Variants in CCDC7 observed in about 807,000 individuals in gnomAD.
CCDC7 encodes coiled-coil domain containing 7, also known as coiled-coil domain-containing protein 7.
Under a neutral mutation model 196.9 loss-of-function variants are expected in CCDC7, and 183 were observed. The observed-to-expected ratio is 0.93, with a 90% CI of 0.82 to 1.05. The LOEUF is 1.05. Among genes scored for constraint, CCDC7 ranks in the 50% least tolerant of loss-of-function variants. The pLI is 0.00. For synonymous variants in CCDC7, 525 were observed against 484.6 expected (o/e 1.08, Z -1.10); for missense variants, 1,540 against 1,482.2 (o/e 1.04, Z -0.64).
At chr10:32,504,599 T>A (rs1364628054) in intron 9 of CCDC7, among the ~76,000 whole-genome samples, 3 of 152,240 alleles carry the variant, frequency 2.0e-5, no homozygotes, top group African/African-American at 7.2e-5. Flanking sequence ...TTTTAGTATG[T>A]TGTATTTCCA....
At chr10:32,661,294 A>G (rs1204716526) in intron 20 of CCDC7, among the ~76,000 whole-genome samples, 1 of 150,564 alleles carries the variant, frequency 6.6e-6, no homozygotes, top group African/African-American at 2.4e-5. Flanking sequence ...ACCAGTTAGA[A>G]TGGCAATCAT....
At position 32,557,604 on chromosome 10, in the gene CCDC7, C is replaced by G. The variant is rs192610595; in HGVS notation, c.1135-7954C>G. ...TTTTCAAGTGGTTTGACTTTTTCCA[C>G]TGTCATCAGATCCCATCTGTTCTTA... On this transcript the variant is annotated intron_variant, in intron 13 of 41. Transcript: ENST00000639629. 4.9e-3 allele frequency among the ~76,000 whole-genome samples: 751 copies of G among 152,274 alleles called. 1 individual carries two copies. The highest frequency in any genetic ancestry group is 7.9e-3 in the Non-Finnish European group (537 of 68,014).
intron 9 of CCDC7, among the ~76,000 whole-genome samples, chr10:32,507,340 G>A (rs1308813935): frequency 6.6e-6 from 1 of 151,540 alleles, no homozygotes; most frequent in African/African-American, 2.4e-5. Context: ...CATGTAGTTG[G>A]GTTCTTAAAA....
At chr10:32,681,878 G>T (rs2141044696) in intron 21 of CCDC7, among the ~76,000 whole-genome samples, 1 of 151,278 alleles carries the variant, frequency 6.6e-6, no homozygotes, top group African/African-American at 2.4e-5. Context: ...CAAATCTCTT[G>T]GACACCTTAA....
chr10:32,759,575 C>A, intron 28 of CCDC7, among the ~76,000 whole-genome samples: 1 of 152,138 alleles, frequency 6.6e-6, no homozygotes, highest in Non-Finnish European at 1.5e-5. Context: ...CTTCCTTACA[C>A]CTTATACAAA....
At chr10:32,795,372 T>C (rs919078242) in intron 29 of CCDC7, among the ~76,000 whole-genome samples, 2 of 152,182 alleles carry the variant, frequency 1.3e-5, no homozygotes, top group African/African-American at 4.8e-5. Context: ...TAAAAATTTT[T>C]CAGTTAAGCA....
intron 41 of CCDC7, among the ~76,000 whole-genome samples, chr10:32,863,492 A>G (rs2094083573): frequency 6.6e-6 from 1 of 151,938 alleles, no homozygotes; most frequent in Non-Finnish European, 1.5e-5. Context: ...TGCTAAGACT[A>G]CAGGTGCACA....
chr10:32,854,308 GTTTTAGAATAC>G, intron 40 of CCDC7, 81 bp from the exon 42 acceptor site: 1 of 757,548 alleles, frequency 1.3e-6, no homozygotes, highest in Non-Finnish European at 2.1e-6. Flanking sequence ...AGGAAACTGT[GTTTTAGAATAC>G]TAAGATTTAT....
intron 22 of CCDC7, among the ~76,000 whole-genome samples, chr10:32,688,288 A>G (rs1329799123): frequency 6.6e-6 from 1 of 152,130 alleles, no homozygotes; most frequent in African/African-American, 2.4e-5. Flanking sequence ...TTCAAATTTA[A>G]TATAAATCTC....
intron 11 of CCDC7, among the ~76,000 whole-genome samples, chr10:32,522,847 G>A (rs2048081310): frequency 6.6e-6 from 1 of 151,906 alleles, no homozygotes; most frequent in Non-Finnish European, 1.5e-5. Flanking sequence ...CATAGGTTTT[G>A]GTATATTGTG....
At chr10:32,796,222 A>C (rs2083529529) in intron 29 of CCDC7, among the ~76,000 whole-genome samples, 2 of 151,246 alleles carry the variant, frequency 1.3e-5, no homozygotes, top group African/African-American at 4.9e-5. Flanking sequence ...GGGTTCTTGG[A>C]TATTGCTGGT....
At chr10:32,834,609 AT>A (rs1367214250) in intron 32 of CCDC7, among the ~76,000 whole-genome samples, 6 of 151,050 alleles carry the variant, frequency 4.0e-5, no homozygotes, top group Non-Finnish European at 7.4e-5. Context: ...GGCTTATATG[AT>A]TGCTAAGAAT....
chr10:32,560,943 A>G (rs1393582340), intron 13 of CCDC7, among the ~76,000 whole-genome samples: 1 of 152,192 alleles, frequency 6.6e-6, no homozygotes, highest in Non-Finnish European at 1.5e-5. Flanking sequence ...ATGCAGAGAC[A>G]CACAGGCTCA....
chr10:32,677,340 A>C (rs2075170954), intron 21 of CCDC7, among the ~76,000 whole-genome samples: 1 of 151,530 alleles, frequency 6.6e-6, no homozygotes, highest in Admixed American at 6.6e-5. Flanking sequence ...CATTGTGCAC[A>C]TGTATCCTAA....
intron 29 of CCDC7, among the ~76,000 whole-genome samples, chr10:32,784,628 G>C (rs1165542196): frequency 6.6e-6 from 1 of 152,118 alleles, no homozygotes; most frequent in Non-Finnish European, 1.5e-5. Context: ...CTGGAGTGCA[G>C]TGGCGCAATC....
chr10:32,592,176 T>A (rs2059841228), intron 18 of CCDC7, among the ~76,000 whole-genome samples: 1 of 152,164 alleles, frequency 6.6e-6, no homozygotes, highest in South Asian at 2.1e-4. Context: ...ATAATCCTTT[T>A]TAGTTTATAA....
Position 32,828,510 on chromosome 10 carries a change from G to T in CCDC7, c.3268+3906G>T, listed in dbSNP as rs1293104799. Among the ~76,000 whole-genome samples the T allele has an allele frequency of 6.2e-5, 9 of 145,164 alleles. No homozygotes were observed. In the South Asian group the frequency reaches 2.0e-3, roughly 33 times the overall value. On this transcript the variant is annotated intron_variant, in intron 32 of 41. Transcript: ENST00000639629. The stretch of plus-strand genomic sequence containing the variant: ...GGAAGAAGAAGAAGAAGAAGAAGAA[G>T]AAGAAGAAGAAGAAGAAGAAGAAGA...
chr10:32,815,894 C>T (rs1450644391), intron 31 of CCDC7, among the ~76,000 whole-genome samples: 1 of 152,186 alleles, frequency 6.6e-6, no homozygotes, highest in Non-Finnish European at 1.5e-5. Context: ...ATAGGAACAG[C>T]TCCAGTCCAC....
At chr10:32,540,199 G>A (rs1008851741) in intron 11 of CCDC7, among the ~76,000 whole-genome samples, 4 of 152,010 alleles carry the variant, frequency 2.6e-5, no homozygotes, top group Non-Finnish European at 5.9e-5. Context: ...CAATCTGGGC[G>A]GTCCTATGTT....
Sources: gnomAD v4.1 joint callset for allele counts (sites outside exome capture counted in the v4.1 genomes callset) on GRCh38, gnomAD v4.1.1 for gene constraint, MANE v1.5 for transcripts, NCBI Gene and HGNC (gene_info 2026-07-23, HGNC 2026-07-21) for gene names.